Variants in FARS2 observed in about 807,000 individuals in gnomAD.
FARS2 encodes phenylalanine--tRNA ligase, mitochondrial.
Under a neutral mutation model 46.4 loss-of-function variants are expected in FARS2, and 40 were observed. The ratio of observed to expected loss-of-function variants is 0.86; its 90% CI spans 0.67 to 1.12. The LOEUF is 1.12. Ranked by LOEUF, FARS2 falls within the 50% of genes most tolerant of loss-of-function variation. The pLI is 0.00. For missense variants in FARS2, 513 were observed against 567.9 expected (o/e 0.90, Z 0.98); for synonymous variants, 234 against 214.9 (o/e 1.09, Z -0.78).
At chr6:5,351,179 G>A (rs1237435244) in intron 1 of FARS2, among the ~76,000 whole-genome samples, 1 of 152,154 alleles carries the variant, frequency 6.6e-6, no homozygotes, top group Non-Finnish European at 1.5e-5. Flanking sequence ...GTGAACTGGA[G>A]CATAGGGCCA....
intron 6 of FARS2, among the ~76,000 whole-genome samples, chr6:5,770,250 C>T (rs1469474163): frequency 2.0e-5 from 3 of 152,168 alleles, no homozygotes; most frequent in African/African-American, 2.4e-5. Context: ...AAGGCCCAGC[C>T]CTGTCTCACC....
chr6:5,433,192 G>T (rs1465156846), intron 4 of FARS2, among the ~76,000 whole-genome samples: 2 of 152,088 alleles, frequency 1.3e-5, no homozygotes, highest in Non-Finnish European at 2.9e-5. Context: ...TTTAGGCAGG[G>T]TTCATCACCC....
intron 1 of FARS2, among the ~76,000 whole-genome samples, chr6:5,295,909 G>A (rs1396733476): frequency 6.6e-6 from 1 of 152,038 alleles, no homozygotes; most frequent in Non-Finnish European, 1.5e-5. Context: ...ATCTTTTCAC[G>A]TAAAACACTG....
At chr6:5,452,255 T>G (rs1408172832) in intron 4 of FARS2, 1 of 151,996 alleles carries the variant, frequency 6.6e-6, no homozygotes, top group South Asian at 2.1e-4. Context: ...GGATCAGAAA[T>G]GTAGCTTGGG....
At position 5,545,381 on chromosome 6, in the gene FARS2, T is replaced by C. The variant is rs750525523; in HGVS notation, c.1065+41T>C. 20 of 1,512,618 alleles carry C rather than the reference T, an allele frequency of 1.3e-5. No homozygotes were observed. In the South Asian group the frequency reaches 2.4e-4, roughly 18 times the overall value. 93.7% of individuals were successfully genotyped at this position (1,512,618 alleles called of 1,614,324 possible). A position where few individuals can be genotyped will look rare whatever the true frequency, so the allele number is the denominator to read the frequency against. On this transcript the variant is annotated intron_variant, in intron 5 of 6. Transcript: ENST00000274680. ...AGAACTGAATAGATAATAATAAAAA[T>C]GGCTGTCAAGGATCGACAGGATCAT...
At chr6:5,549,153 G>A (rs1444868942) in intron 5 of FARS2, among the ~76,000 whole-genome samples, 1 of 151,166 alleles carries the variant, frequency 6.6e-6, no homozygotes, top group African/African-American at 2.4e-5. Context: ...GGCTCTTGGG[G>A]GAATCCACCT....
chr6:5,399,554 C>T (rs1215891198), intron 2 of FARS2, among the ~76,000 whole-genome samples: 2 of 152,134 alleles, frequency 1.3e-5, no homozygotes, highest in Non-Finnish European at 2.9e-5. Flanking sequence ...TCATGACCCC[C>T]ACTCTGCCAT....
chr6:5,415,606 C>T (rs752243080), intron 3 of FARS2, among the ~76,000 whole-genome samples: 5 of 151,566 alleles, frequency 3.3e-5, no homozygotes, highest in South Asian at 4.2e-4. Flanking sequence ...CGTGAGCCAC[C>T]GCTCCCTGCC....
At chr6:5,322,550 T>G (rs1770055475) in intron 1 of FARS2, among the ~76,000 whole-genome samples, 1 of 152,196 alleles carries the variant, frequency 6.6e-6, no homozygotes, top group Non-Finnish European at 1.5e-5. Flanking sequence ...GACTGAAGCT[T>G]TAGCATGTAT....
At chr6:5,517,328 G>A (rs1418873714) in intron 4 of FARS2, among the ~76,000 whole-genome samples, 1 of 152,072 alleles carries the variant, frequency 6.6e-6, no homozygotes, top group East Asian at 1.9e-4. Context: ...TATACACTGA[G>A]GTCAAGGCAT....
intron 6 of FARS2, among the ~76,000 whole-genome samples, chr6:5,730,366 A>G (rs1008230573): frequency 4.6e-5 from 7 of 152,218 alleles, no homozygotes; most frequent in Non-Finnish European, 8.8e-5. Context: ...AGTTGGGGGA[A>G]GGTACTTGGG....
intron 4 of FARS2, among the ~76,000 whole-genome samples, chr6:5,444,546 A>C (rs1400476546): frequency 6.7e-6 from 1 of 149,570 alleles, no homozygotes; most frequent in Non-Finnish European, 1.5e-5. Context: ...GTCTGAATTT[A>C]ATTAGTCTCA....
intron 4 of FARS2, among the ~76,000 whole-genome samples, chr6:5,534,941 CA>C (rs1456991040): frequency 6.6e-6 from 1 of 151,774 alleles, no homozygotes; most frequent in Non-Finnish European, 1.5e-5. Flanking sequence ...GAGAAACTGC[CA>C]AACTGCTTTC....
intron 6 of FARS2, among the ~76,000 whole-genome samples, chr6:5,680,739 CTTT>C (rs11441342): frequency 5.6e-5 from 8 of 143,326 alleles, no homozygotes; most frequent in Admixed American, 2.1e-4. Context: ...CAGACGTTGT[CTTT>C]TTTTTTTTTT....
At chr6:5,329,678 C>T (rs924725694) in intron 1 of FARS2, among the ~76,000 whole-genome samples, 2 of 152,120 alleles carry the variant, frequency 1.3e-5, no homozygotes. Context: ...TGGTCACTTG[C>T]TAGAAGGTTT....
chr6:5,512,212 G>A (rs2150405503), intron 4 of FARS2, among the ~76,000 whole-genome samples: 1 of 152,176 alleles, frequency 6.6e-6, no homozygotes, highest in Non-Finnish European at 1.5e-5. Context: ...CGGGGGGTGG[G>A]CTTGCTTCTG....
intron 5 of FARS2, among the ~76,000 whole-genome samples, chr6:5,580,307 GA>G (rs1773254484): frequency 8.9e-6 from 1 of 112,346 alleles, no homozygotes; most frequent in African/African-American, 3.3e-5. Context: ...AAAAAAAAAA[GA>G]GAAGGAGGGA....
At position 5,355,029 on chromosome 6, in the gene FARS2, A is replaced by G. The variant is rs148229356; in HGVS notation, c.-21-13521A>G. Among the ~76,000 whole-genome samples, 159 of 152,310 alleles carry G rather than the reference A, an allele frequency of 1.0e-3. 1 individual carries two copies. Among genetic ancestry groups the G allele is most frequent in the African/African-American group, 3.6e-3 (150 of 41,566 alleles). ...CAAAATTATTTTAAATGTTATTTAA[A>G]ATAAGTTTAAATTTCCTGGGAAACA... is the stretch of plus-strand genomic sequence containing the variant. On this transcript the variant is annotated intron_variant, in intron 1 of 6. Transcript: ENST00000274680.
At chr6:5,337,706 A>G (rs530489399) in intron 1 of FARS2, among the ~76,000 whole-genome samples, 1 of 152,342 alleles carries the variant, frequency 6.6e-6, no homozygotes, top group South Asian at 2.1e-4. Flanking sequence ...TTGAGCATTC[A>G]GGATATACCA....
Sources: gnomAD v4.1 joint callset for allele counts (sites outside exome capture counted in the v4.1 genomes callset) on GRCh38, gnomAD v4.1.1 for gene constraint, MANE v1.5 for transcripts, NCBI Gene and HGNC (gene_info 2026-07-23, HGNC 2026-07-21) for gene names.